Variants in RAB3GAP1 observed in about 807,000 individuals in gnomAD.
The protein encoded by RAB3GAP1 is rab3 GTPase-activating protein catalytic subunit.
A neutral mutation model predicts 130.7 loss-of-function variants in RAB3GAP1; 86 were observed. That is an observed-to-expected ratio of 0.66 (90% CI 0.55 to 0.79). The LOEUF (loss-of-function observed/expected upper bound fraction) is 0.79, where lower values mean the gene tolerates loss of function less well. Ranked by LOEUF, RAB3GAP1 falls within the 30% of genes least tolerant of loss-of-function variation. RAB3GAP1 has a pLI of 0.00. For missense variants in RAB3GAP1, 1,029 were observed against 1,169.4 expected, an observed-to-expected ratio of 0.88 and a Z score of 1.75; for synonymous variants, 367 against 401.7, an observed-to-expected ratio of 0.91 and a Z score of 1.03.
intron 6 of RAB3GAP1, 59 bp from the exon 7 acceptor site, chr2:135,115,157 G>A: frequency 2.0e-6 from 3 of 1,481,026 alleles, no homozygotes; most frequent in East Asian, 2.3e-5. Context: ...AAAAATTTGA[G>A]GTTCAGGTTT....
At chr2:135,083,286 A>C (rs866433658) in intron 3 of RAB3GAP1, among the ~76,000 whole-genome samples, 7 of 152,076 alleles carry the variant, frequency 4.6e-5, no homozygotes, top group Non-Finnish European at 8.8e-5. Context: ...TCATCGCATT[A>C]AGTTTTTGTG....
At chr2:135,144,711 C>T (rs1029225678) in intron 17 of RAB3GAP1, among the ~76,000 whole-genome samples, 13 of 152,232 alleles carry the variant, frequency 8.5e-5, no homozygotes, top group Admixed American at 7.2e-4. Context: ...AATCTTTTGA[C>T]AACTTTTGTT....
At chr2:135,143,711 C>G (rs1218220760) in intron 17 of RAB3GAP1, among the ~76,000 whole-genome samples, 1 of 152,072 alleles carries the variant, frequency 6.6e-6, no homozygotes, top group Non-Finnish European at 1.5e-5. Flanking sequence ...GTGCCCACCA[C>G]CACGCCTGGC....
Position 135,135,569 on chromosome 2 carries a change from A to G in RAB3GAP1, c.1560A>G (p.Leu520=). Residue 520 remains leucine (L), a synonymous_variant, in exon 17 of 24, where the codon TTA becomes TTG. Transcript: ENST00000264158. Reference sequence around the variant, plus strand: ...GTTATTTCTCTTTTCTTAAGATGTTAAATTGTTGTATTGAAAGAAAGAAGG... The same window carrying G: ...GTTATTTCTCTTTTCTTAAGATGTTGAATTGTTGTATTGAAAGAAAGAAGG... ...CCLLHQKLQM[L]NCCIERKKAR... 6.3e-7 allele frequency: 1 copy of G among 1,598,160 alleles called. No individual in the cohort carries two copies. Among genetic ancestry groups the G allele is most frequent in the Non-Finnish European group, 8.5e-7 (1 of 1,169,596 alleles).
Position 135,068,754 on chromosome 2 carries a change from AAAAAC to A in RAB3GAP1, c.150+10686_150+10690del, listed in dbSNP as rs375508163. On this transcript the variant is annotated intron_variant, in intron 3 of 23. Coordinates refer to ENST00000264158, the MANE Select transcript of RAB3GAP1 (RefSeq NM_012233.3). ...GGTGACAGAGTGAGACTCCATCTCA[AAAAAC>A]AAAACAAAACAAAACAATCCATGCT... 6.2e-4 allele frequency among the ~76,000 whole-genome samples: 94 copies of A among 152,362 alleles called. 1 individual carries two copies. The East Asian group carries it at 0.014, about 22-fold the overall frequency.
At chr2:135,075,991 G>C (rs1689623594) in intron 3 of RAB3GAP1, among the ~76,000 whole-genome samples, 4 of 149,732 alleles carry the variant, frequency 2.7e-5, no homozygotes, top group South Asian at 4.2e-4. Context: ...GCTCACTGCA[G>C]CCTTCGCCTC....
intron 18 of RAB3GAP1, 81 bp from the exon 19 acceptor site, chr2:135,153,568 G>A: frequency 7.5e-7 from 1 of 1,339,990 alleles, no homozygotes; most frequent in Non-Finnish European, 1.1e-6. Context: ...GGCTTTTTTT[G>A]AAAATACAAT....
At chr2:135,098,232 A>C (rs1466459624) in intron 5 of RAB3GAP1, among the ~76,000 whole-genome samples, 2 of 151,928 alleles carry the variant, frequency 1.3e-5, no homozygotes, top group Admixed American at 6.6e-5. Flanking sequence ...TTGTTTTCTT[A>C]CTGTAAAGTT....
intron 3 of RAB3GAP1, chr2:135,059,133 ACT>A (rs1397344458): frequency 4.6e-5 from 7 of 152,058 alleles, no homozygotes; most frequent in Non-Finnish European, 1.0e-4. Flanking sequence ...TCATTCAAAG[ACT>A]CTTGGCAATA....
At chr2:135,099,958 C>T (rs753201506) in intron 5 of RAB3GAP1, among the ~76,000 whole-genome samples, 3 of 151,988 alleles carry the variant, frequency 2.0e-5, no homozygotes, top group East Asian at 1.9e-4. Flanking sequence ...CTTCCAAGTC[C>T]CAGGGCCTCG....
chr2:135,160,600 G>A (rs1464795208), intron 19 of RAB3GAP1, among the ~76,000 whole-genome samples: 2 of 150,502 alleles, frequency 1.3e-5, no homozygotes, highest in Non-Finnish European at 3.0e-5. Context: ...CTTGAGCCTG[G>A]GAGGCGGAGG....
In RAB3GAP1 at chr2:135,135,278, C is replaced by T. The variant is rs764295663; in HGVS notation, c.1513C>T (p.Pro505Ser). The change falls in exon 16 of 24, where the codon CCC (proline) becomes TCC (serine). Residue 505 changes from proline to serine, a missense_variant. This residue lies in a region of RAB3GAP1 where 373 missense variants were observed against 493.6 expected (regional missense o/e 0.76). Transcript: ENST00000264158. The part of the protein sequence containing the change: ...NFLIPGLASG[P>S]PDLRCCLLHQ... ...TTTATTTGATAGATTAGCAAGTGGA[C>T]CCCCAGATCTGAGGTGTTGTTTACT... The T allele has an allele frequency of 1.2e-6, 2 of 1,610,338 alleles. No individual in the cohort carries two copies. The highest frequency in any genetic ancestry group is 1.7e-6 in the Non-Finnish European group (2 of 1,176,674).
chr2:135,094,032 G>A (rs1690222665), intron 5 of RAB3GAP1, among the ~76,000 whole-genome samples: 1 of 152,144 alleles, frequency 6.6e-6, no homozygotes, highest in African/African-American at 2.4e-5. Context: ...TTAGGGGGCT[G>A]GTCATATAAG....
intron 7 of RAB3GAP1, among the ~76,000 whole-genome samples, chr2:135,117,564 T>TCTG (rs1574126458): frequency 4.7e-4 from 70 of 148,752 alleles, no homozygotes; most frequent in South Asian, 8.5e-4. Flanking sequence ...TTCTGCTTCT[T>TCTG]CTTCTGCTTC....
chr2:135,166,299 C>T (rs1392023061), intron 23 of RAB3GAP1, among the ~76,000 whole-genome samples: 6 of 152,022 alleles, frequency 3.9e-5, no homozygotes, highest in African/African-American at 1.4e-4. Context: ...ACCTCCTTAC[C>T]CCCTCTACTG....
downstream of RAB3GAP1, chr2:135,175,244 C>T (rs906075452): frequency 6.6e-6 from 1 of 152,250 alleles, no homozygotes; most frequent in African/African-American, 2.4e-5. Context: ...ATCAGTAAAG[C>T]AAACCTGTCC....
intron 5 of RAB3GAP1, among the ~76,000 whole-genome samples, 156 bp from the exon 6 acceptor site, chr2:135,112,995 G>C (rs1037031843): frequency 6.6e-6 from 1 of 152,184 alleles, no homozygotes; most frequent in Non-Finnish European, 1.5e-5. Flanking sequence ...TCTTAAAGTT[G>C]AGGTCTTGTA....
chr2:135,095,856 C>T (rs1690278402), intron 5 of RAB3GAP1, among the ~76,000 whole-genome samples: 2 of 151,896 alleles, frequency 1.3e-5, no homozygotes, highest in Admixed American at 6.6e-5. Context: ...ATCGGATTGA[C>T]AAATCACAAG....
intron 3 of RAB3GAP1, among the ~76,000 whole-genome samples, chr2:135,074,260 G>A (rs1689558323): frequency 1.3e-5 from 2 of 152,170 alleles, no homozygotes; most frequent in African/African-American, 4.8e-5. Flanking sequence ...ATGTGTATAG[G>A]TTTGCCCTGG....
Sources: gnomAD v4.1 joint callset for allele counts (sites outside exome capture counted in the v4.1 genomes callset) on GRCh38, gnomAD v4.1.1 for gene constraint, gnomAD v4.1.1 regional missense constraint, MANE v1.5 for transcripts, NCBI Gene and HGNC (gene_info 2026-07-23, HGNC 2026-07-21) for gene names.